The following DNAI4 variants were observed in gnomAD, a reference collection of about 807,000 sequenced individuals.
DNAI4 encodes dynein axonemal intermediate chain 4.
A neutral mutation model predicts 105.8 loss-of-function variants in DNAI4; 85 were observed. The ratio of observed to expected loss-of-function variants is 0.80; its 90% CI spans 0.67 to 0.96. The LOEUF (loss-of-function observed/expected upper bound fraction) is 0.96. DNAI4 is among the 40% of genes least tolerant of loss of function. The pLI, the probability that DNAI4 is intolerant of heterozygous loss-of-function variation, is 0.00. For synonymous variants in DNAI4, 352 were observed against 331.5 expected (o/e 1.06, Z -0.67); for missense variants, 1,014 against 1,005.6 (o/e 1.01, Z -0.11).
At chr1:66,859,090 T>C (rs921157542) in intron 7 of DNAI4, among the ~76,000 whole-genome samples, 1 of 151,988 alleles carries the variant, frequency 6.6e-6, no homozygotes, top group Admixed American at 6.6e-5. Flanking sequence ...CATACATATA[T>C]CCGATAAAGA....
At chr1:66,878,344 T>C (rs1268563880) in intron 4 of DNAI4, among the ~76,000 whole-genome samples, 2 of 152,160 alleles carry the variant, frequency 1.3e-5, no homozygotes, top group East Asian at 1.9e-4. Context: ...TGTTTGTTTA[T>C]TGTAGAGTTT....
At chr1:66,844,721 T>C (rs1350106625) in intron 8 of DNAI4, among the ~76,000 whole-genome samples, 1 of 151,860 alleles carries the variant, frequency 6.6e-6, no homozygotes, top group Non-Finnish European at 1.5e-5. Flanking sequence ...AAGAATTAAT[T>C]ACAAAAGAAA....
intron 4 of DNAI4, among the ~76,000 whole-genome samples, chr1:66,886,055 C>T (rs1159454445): frequency 6.6e-6 from 1 of 152,126 alleles, no homozygotes; most frequent in Non-Finnish European, 1.5e-5. Flanking sequence ...TTTCTCTTCG[C>T]ATTTTAGTTT....
chr1:66,896,906 AACACC>A, intron 2 of DNAI4, among the ~76,000 whole-genome samples: 1 of 152,214 alleles, frequency 6.6e-6, no homozygotes, highest in African/African-American at 2.4e-5. Flanking sequence ...ACTAATAACA[AACACC>A]TGAAAATGTA....
Position 66,874,874 on chromosome 1 carries a change from A to G in DNAI4, c.707T>C (p.Ile236Thr), listed in dbSNP as rs1646928482. 2.5e-6 allele frequency: 4 copies of G among 1,613,560 alleles called. No homozygotes were observed. The highest frequency in any genetic ancestry group is 2.5e-6 in the Non-Finnish European group (3 of 1,179,672). The change falls in exon 5 of 17, where the codon ATA (isoleucine) becomes ACA (threonine). Residue 236 changes from isoleucine to threonine, a missense_variant. Physicochemically the swap from Ile to Thr is moderately conservative, Grantham distance 89. Transcript: ENST00000371026. ...TTCTGTCTCTGTGAGTATTATCTCT[A>G]TATTCTTCTCCAGGTCTTCTTTTGT... is the stretch of plus-strand genomic sequence containing the variant. ...IVTKEDLEKN[I>T]EIILTETETL...
chr1:66,901,498 A>C (rs1329678759), intron 2 of DNAI4, among the ~76,000 whole-genome samples: 1 of 152,138 alleles, frequency 6.6e-6, no homozygotes, highest in Non-Finnish European at 1.5e-5. Flanking sequence ...CATTATTTCT[A>C]TTAGTGAATA....
chr1:66,893,243 T>C lies in DNAI4; in HGVS notation c.516A>G (p.Leu172=). Residue 172 remains leucine, a synonymous_variant, in exon 3 of 17, where the codon TTA becomes TTG. Coordinates refer to ENST00000371026, the MANE Select transcript of DNAI4 (RefSeq NM_024763.5). ...LYQNTINPST[L]GQFTRSVLGS... The stretch of plus-strand genomic sequence containing the variant: ...GTATACTCTACCTTGTAAACTGCCC[T>C]AACGTACTAGGATTTATTGTATTCT... 1 of 1,583,300 alleles carries C rather than the reference T, an allele frequency of 6.3e-7. No individual in the cohort carries two copies. Among genetic ancestry groups the C allele is most frequent in the South Asian group, 1.2e-5 (1 of 85,798 alleles).
At chr1:66,923,417 G>A (rs1196398097) in intron 1 of DNAI4, among the ~76,000 whole-genome samples, 1 of 152,184 alleles carries the variant, frequency 6.6e-6, no homozygotes, top group African/African-American at 2.4e-5. Flanking sequence ...CACCATCGAT[G>A]CATGACTGTA....
intron 5 of DNAI4, among the ~76,000 whole-genome samples, chr1:66,874,515 A>G (rs972440402): frequency 5.3e-5 from 8 of 152,162 alleles, no homozygotes; most frequent in African/African-American, 1.9e-4. Context: ...TATTTGGCTT[A>G]GAAGTTCGCC....
At chr1:66,847,426 G>A in intron 8 of DNAI4, 58 bp downstream of exon 8, 6 of 1,508,482 alleles carry the variant, frequency 4.0e-6, no homozygotes, top group Non-Finnish European at 5.4e-6. Flanking sequence ...CCAAAGTACT[G>A]GGATTATAAG....
At chr1:66,817,056 T>G (rs1043960003) in intron 16 of DNAI4, among the ~76,000 whole-genome samples, 1 of 152,184 alleles carries the variant, frequency 6.6e-6, no homozygotes, top group African/African-American at 2.4e-5. Flanking sequence ...TTTAAATGTA[T>G]TCAAAATTTG....
chr1:66,850,867 A>G (rs900371041), intron 7 of DNAI4, among the ~76,000 whole-genome samples: 1 of 152,096 alleles, frequency 6.6e-6, no homozygotes, highest in South Asian at 2.1e-4. Flanking sequence ...CTACAGGTAA[A>G]TTAAAGCAGA....
chr1:66,834,738 C>T (rs915822653), intron 11 of DNAI4, among the ~76,000 whole-genome samples: 3 of 152,044 alleles, frequency 2.0e-5, no homozygotes, highest in Non-Finnish European at 4.4e-5. Context: ...ATGTTCTTTT[C>T]GTGGTACTGA....
rs767558804 is a variant in DNAI4, at chr1:66,924,799, G to A, written c.33C>T (p.Ala11=). MTPGKHSGAS[A]RAANGGAWGY... ...CCCAAGCTCCTCCGTTAGCGGCTCG[G>A]GCCGAGGCTCCGGAATGTTTGCCGG... The change falls in exon 1 of 17, where the codon GCC becomes GCT. Residue 11 remains alanine (A), a synonymous_variant. Coordinates refer to ENST00000371026, the MANE Select transcript of DNAI4 (RefSeq NM_024763.5). 2.0e-5 allele frequency: 33 copies of A among 1,614,016 alleles called. No homozygotes were observed. Among genetic ancestry groups the A allele is most frequent in the Middle Eastern group, 1.6e-4 (1 of 6,084 alleles).
intron 16 of DNAI4, among the ~76,000 whole-genome samples, chr1:66,821,783 G>A (rs1645632269): frequency 6.6e-6 from 1 of 151,198 alleles, no homozygotes. Flanking sequence ...CCAGATTATT[G>A]TTTATAATAA....
chr1:66,878,108 A>G (rs905350927), intron 4 of DNAI4, among the ~76,000 whole-genome samples: 1 of 152,146 alleles, frequency 6.6e-6, no homozygotes, highest in African/African-American at 2.4e-5. Context: ...AGGGAAGAAT[A>G]TCTATATAAT....
chr1:66,883,310 C>T (rs1046356034), intron 4 of DNAI4, among the ~76,000 whole-genome samples: 6 of 149,922 alleles, frequency 4.0e-5, no homozygotes, highest in African/African-American at 1.5e-4. Flanking sequence ...CGGAGTTTCA[C>T]TCTTGTCACC....
Position 66,822,867 on chromosome 1 carries a change from A to G in DNAI4, c.2340-350T>C, listed in dbSNP as rs532341944. Among the ~76,000 whole-genome samples the G allele has an allele frequency of 1.7e-4, 25 of 150,204 alleles. No individual in the cohort carries two copies. In the East Asian group the frequency reaches 4.7e-3, roughly 28 times the overall value. On this transcript the variant is annotated intron_variant, in intron 15 of 16. Transcript: ENST00000371026. ...TGTAAAGATATTTTTTTCAAATACA[A>G]TAACATTTAATTCACTAGAATTTGT...
At position 66,874,847 on chromosome 1, in the gene DNAI4, G is replaced by A. The variant is rs1378244223; in HGVS notation, c.734C>T (p.Thr245Ile). Residue 245 changes from threonine to isoleucine, a missense_variant, in exon 5 of 17, where the codon ACA becomes ATA. Coordinates refer to ENST00000371026, the MANE Select transcript of DNAI4 (RefSeq NM_024763.5). ...TGTGGGCAAGTCAAAAAATCTCAGT[G>A]TTTCTGTCTCTGTGAGTATTATCTC... ...NIEIILTETETLRFFDLPTVM... is the reference protein window; with the variant it reads ...NIEIILTETEILRFFDLPTVM... 6.2e-7 allele frequency: 1 copy of A among 1,613,624 alleles called. No homozygotes were observed. Among genetic ancestry groups the A allele is most frequent in the East Asian group, 2.2e-5 (1 of 44,840 alleles).
Sources: gnomAD v4.1 joint callset for allele counts (sites outside exome capture counted in the v4.1 genomes callset) on GRCh38, gnomAD v4.1.1 for gene constraint, MANE v1.5 for transcripts, NCBI Gene and HGNC (gene_info 2026-07-23, HGNC 2026-07-21) for gene names.